Variants in TICRR observed in about 807,000 individuals in gnomAD.
TICRR encodes treslin.
In TICRR, 132 loss-of-function variants were observed where a neutral mutation model predicts 178.1. The ratio of observed to expected loss-of-function variants is 0.74; its 90% CI spans 0.64 to 0.86. The LOEUF is 0.86. TICRR is among the 40% of genes least tolerant of loss of function. The probability of loss-of-function intolerance (pLI) is 0.00; values close to 1 mark genes in which losing one functional copy is unlikely to be tolerated. For missense variants in TICRR, 2,587 were observed against 2,334.3 expected (o/e 1.11, Z -2.23); for synonymous variants, 991 against 900.7 (o/e 1.10, Z -1.79).
At chr15:89,608,678 G>A (rs946039389) in intron 14 of TICRR, 125 bp from the exon 15 acceptor site, 3 of 739,522 alleles carry the variant, frequency 4.1e-6, no homozygotes, top group Non-Finnish European at 6.1e-6. Flanking sequence ...ATTAGCATAT[G>A]TGACAATAGC....
chr15:89,596,103 G>C (rs2141961354), intron 7 of TICRR, among the ~76,000 whole-genome samples: 1 of 152,244 alleles, frequency 6.6e-6, no homozygotes, highest in South Asian at 2.1e-4. Flanking sequence ...ATTCTGTCTA[G>C]CAGTAGACCT....
At chr15:89,604,137 A>G (rs1008523166) in intron 13 of TICRR, among the ~76,000 whole-genome samples, 1 of 152,250 alleles carries the variant, frequency 6.6e-6, no homozygotes, top group Non-Finnish European at 1.5e-5. Context: ...TTTCAACTGC[A>G]TGAACTATCT....
chr15:89,624,878 G>A lies in TICRR; in HGVS notation c.4568G>A (p.Arg1523His), dbSNP rs149974689. The change falls in exon 20 of 22, where the codon CGT becomes CAT. Residue 1523 changes from arginine to histidine, a missense_variant. Transcript: ENST00000268138. ...CGPGSPLMPS[R>H]DVHCTTDGRQ... Reference sequence around the variant, plus strand: ...CCTGGCTCTCCTCTGATGCCTTCCCGTGACGTGCACTGTACCACAGATGGG... The same window carrying A: ...CCTGGCTCTCCTCTGATGCCTTCCCATGACGTGCACTGTACCACAGATGGG... 245 of 1,614,086 alleles carry A rather than the reference G, an allele frequency of 1.5e-4. No individual in the cohort carries two copies. The highest frequency in any genetic ancestry group is 4.9e-4 in the Middle Eastern group (3 of 6,062).
At chr15:89,604,914 C>T (rs1359529901) in intron 13 of TICRR, among the ~76,000 whole-genome samples, 1 of 152,024 alleles carries the variant, frequency 6.6e-6, no homozygotes, top group African/African-American at 2.4e-5. Context: ...AATCTCAGTT[C>T]TCTGAAGGAC....
At chr15:89,591,895 A>G (rs904686934) in intron 4 of TICRR, 152 bp from the exon 5 acceptor site, 3 of 540,432 alleles carry the variant, frequency 5.6e-6, no homozygotes, top group African/African-American at 1.9e-5. Context: ...GGCCTGTAGC[A>G]GTTTGTGGTG....
rs766102504 is a variant in TICRR at position 89,625,205 on chromosome 15, G to C, written c.4895G>C (p.Ser1632Thr). 1 of 1,613,548 alleles carries C rather than the reference G, an allele frequency of 6.2e-7. No homozygotes were observed. The highest frequency in any genetic ancestry group is 1.1e-5 in the South Asian group (1 of 91,050). ...VSPPCPRLSH[S>T]TPGKSRGQTY... ...CCCCCCTGCCCCCGCCTCTCCCACAGCACACCTGGCAAGAGCAGGGGGCAA... is the reference window on the plus strand; with the variant it reads ...CCCCCCTGCCCCCGCCTCTCCCACACCACACCTGGCAAGAGCAGGGGGCAA... Residue 1632 changes from serine (S) to threonine (T), a missense_variant, in exon 20 of 22, where the codon AGC becomes ACC. Transcript: ENST00000268138.
intron 1 of TICRR, among the ~76,000 whole-genome samples, chr15:89,582,045 C>T (rs974019740): frequency 6.6e-6 from 1 of 152,034 alleles, no homozygotes; most frequent in Non-Finnish European, 1.5e-5. Context: ...ATTAATAGGC[C>T]AGGCACAGTG....
At chr15:89,622,352 A>G (rs978365198) in intron 19 of TICRR, among the ~76,000 whole-genome samples, 2 of 151,980 alleles carry the variant, frequency 1.3e-5, no homozygotes, top group African/African-American at 4.8e-5. Flanking sequence ...GTTCAGGTCT[A>G]CCTGGAACAC....
chr15:89,610,383 G>A (rs1393962143), intron 15 of TICRR, among the ~76,000 whole-genome samples: 1 of 152,090 alleles, frequency 6.6e-6, no homozygotes. Flanking sequence ...TGTATTTTGA[G>A]ACTCTGTACT....
intron 17 of TICRR, among the ~76,000 whole-genome samples, chr15:89,619,102 C>T (rs1239483319): frequency 6.6e-6 from 1 of 152,142 alleles, no homozygotes; most frequent in Non-Finnish European, 1.5e-5. Context: ...AATTCCACAA[C>T]TCAGAAATAC....
At chr15:89,605,472 C>T (rs529732521) in intron 13 of TICRR, among the ~76,000 whole-genome samples, 1 of 152,230 alleles carries the variant, frequency 6.6e-6, no homozygotes, top group East Asian at 1.9e-4. Flanking sequence ...GGGTTCACGC[C>T]ATTCTCCTGC....
chr15:89,615,108 T>C (rs1458299131), intron 15 of TICRR, among the ~76,000 whole-genome samples: 5 of 152,226 alleles, frequency 3.3e-5, no homozygotes, highest in African/African-American at 4.8e-5. Context: ...ATTAAACTTT[T>C]GGCCAGCTTG....
chr15:89,598,512 G>A (rs111532873), intron 7 of TICRR, among the ~76,000 whole-genome samples: 39,992 of 151,612 alleles, frequency 0.26, 5,989 homozygotes, highest in South Asian at 0.38. Context: ...AGAGGCGCCC[G>A]CCACTACGCC....
chr15:89,576,860 T>TATATATATATATATATATATATAC (rs1555419112), intron 1 of TICRR, among the ~76,000 whole-genome samples: 4 of 128,624 alleles, frequency 3.1e-5, no homozygotes, highest in African/African-American at 1.2e-4. Context: ...TATATATATA[T>TATATATATATATATATATATATAC]ACACACACAC....
At chr15:89,582,453 A>G (rs1258918163) in intron 1 of TICRR, among the ~76,000 whole-genome samples, 1 of 152,126 alleles carries the variant, frequency 6.6e-6, no homozygotes, top group African/African-American at 2.4e-5. Flanking sequence ...TAAATGAGGT[A>G]CTATTTTTAC....
chr15:89,589,206 C>T (rs1405909118), intron 4 of TICRR, among the ~76,000 whole-genome samples: 1 of 152,092 alleles, frequency 6.6e-6, no homozygotes, highest in Non-Finnish European at 1.5e-5. Context: ...CTGGAGTGAC[C>T]TGGGGGTCTA....
chr15:89,584,282 C>T lies in TICRR; in HGVS notation c.935-4C>T. On this transcript the variant is annotated splice_polypyrimidine_tract_variant and splice_region_variant and intron_variant, in intron 2 of 21. Transcript: ENST00000268138. ...ATCCTGGTCTAATTAATCTTTATTT[C>T]TAGCAGGCAAAGAGATTCAAGAAAC... 6.3e-7 allele frequency: 1 copy of T among 1,584,786 alleles called. No individual in the cohort carries two copies. Among genetic ancestry groups the T allele is most frequent in the Non-Finnish European group, 8.6e-7 (1 of 1,166,696 alleles).
intron 5 of TICRR, 72 bp downstream of exon 5, chr15:89,592,248 A>C: frequency 7.4e-7 from 1 of 1,360,232 alleles, no homozygotes; most frequent in Admixed American, 1.8e-5. Context: ...TTTTTTCTTA[A>C]CAGACCACAT....
At position 89,616,840 on chromosome 15, in the gene TICRR, C is replaced by G. The variant is rs1365844767; in HGVS notation, c.2960+345C>G. The stretch of plus-strand genomic sequence containing the variant: ...GTCTGGGATCCCAACTCAGCCTTTG[C>G]TGACAGAGGTGTGGGTGGGGCTGCA... On this transcript the variant is annotated intron_variant, in intron 16 of 21. Transcript: ENST00000268138. Among the ~76,000 whole-genome samples, 5 of 152,218 alleles carry G rather than the reference C, an allele frequency of 3.3e-5. No individual in the cohort carries two copies. The South Asian group carries it at 1.0e-3, about 32-fold the overall frequency.
Sources: gnomAD v4.1 joint callset for allele counts (sites outside exome capture counted in the v4.1 genomes callset) on GRCh38, gnomAD v4.1.1 for gene constraint, MANE v1.5 for transcripts, NCBI Gene and HGNC (gene_info 2026-07-23, HGNC 2026-07-21) for gene names.